ATP10B: variants seen among roughly 807,000 people sequenced by gnomAD.
The protein encoded by ATP10B is ATPase phospholipid transporting 10B (putative).
A neutral mutation model predicts 141.2 loss-of-function variants in ATP10B; 122 were observed. The observed-to-expected ratio is 0.86, with a 90% confidence interval of 0.75 to 1.00. The LOEUF (loss-of-function observed/expected upper bound fraction) is 1.00, where lower values mean the gene tolerates loss of function less well. Ranked by LOEUF, ATP10B falls within the 50% of genes least tolerant of loss-of-function variation. The probability of loss-of-function intolerance (pLI) is 0.00; values close to 1 mark genes in which losing one functional copy is unlikely to be tolerated. For missense variants in ATP10B, 1,876 were observed against 1,825.3 expected (o/e 1.03, Z -0.51); for synonymous variants, 685 against 692.0 (o/e 0.99, Z 0.16).
chr5:160,869,522 T>C, the ATP10B span, among the ~76,000 whole-genome samples: 1 of 152,166 alleles, frequency 6.6e-6, no homozygotes, highest in Non-Finnish European at 1.5e-5. Flanking sequence ...ACCCTTTAGA[T>C]TCCCCCTGCA....
chr5:160,705,234 A>T (rs1390884176), intron 3 of ATP10B, among the ~76,000 whole-genome samples: 1 of 151,830 alleles, frequency 6.6e-6, no homozygotes, highest in African/African-American at 2.4e-5. Context: ...TTTGTTTTCT[A>T]AGACAGGGAT....
chr5:160,764,030 A>C (rs1257128793), intron 2 of ATP10B, among the ~76,000 whole-genome samples: 1 of 152,190 alleles, frequency 6.6e-6, no homozygotes, highest in Non-Finnish European at 1.5e-5. Flanking sequence ...CTCTGAACAG[A>C]CCAATAACAA....
intron 2 of ATP10B, among the ~76,000 whole-genome samples, chr5:160,751,766 ATG>A (rs1472232906): frequency 6.6e-6 from 1 of 152,160 alleles, no homozygotes; most frequent in Non-Finnish European, 1.5e-5. Context: ...GAGAAAAGAA[ATG>A]TGTGTGTGCA....
chr5:160,594,253 A>G (rs1168818171), intron 22 of ATP10B, among the ~76,000 whole-genome samples: 1 of 152,224 alleles, frequency 6.6e-6, no homozygotes, highest in Non-Finnish European at 1.5e-5. Context: ...TAAAGAAAAG[A>G]ATTTTCAACT....
chr5:160,748,887 C>A lies in ATP10B; in HGVS notation c.-330-31853G>T, dbSNP rs530825910. On this transcript the variant is annotated intron_variant, in intron 2 of 25. Transcript: ENST00000327245. ...TATTAGGAATAAAATAATGTAGCTACTGCTTGAGTGCCTACTCTGGGCTAG... is the reference window on the plus strand; with the variant it reads ...TATTAGGAATAAAATAATGTAGCTAATGCTTGAGTGCCTACTCTGGGCTAG... Among the ~76,000 whole-genome samples the A allele has an allele frequency of 2.6e-5, 4 of 152,318 alleles. No individual in the cohort carries two copies. In the East Asian group the frequency reaches 7.7e-4, roughly 29 times the overall value.
chr5:160,916,112 T>G, the ATP10B span, among the ~76,000 whole-genome samples: 1 of 152,166 alleles, frequency 6.6e-6, no homozygotes, highest in African/African-American at 2.4e-5. Context: ...TTATGGTATA[T>G]CCCTAGTCTA....
intron 2 of ATP10B, among the ~76,000 whole-genome samples, chr5:160,740,124 T>G (rs1175857365): frequency 6.6e-6 from 1 of 152,252 alleles, no homozygotes; most frequent in Non-Finnish European, 1.5e-5. Context: ...AGTGGGAACA[T>G]ATATACAGGT....
At chr5:160,725,509 G>T (rs1447707058) in intron 2 of ATP10B, among the ~76,000 whole-genome samples, 1 of 151,554 alleles carries the variant, frequency 6.6e-6, no homozygotes, top group Admixed American at 6.6e-5. Flanking sequence ...GCAGTGGTGC[G>T]ATCTCGGCTC....
upstream of ATP10B, among the ~76,000 whole-genome samples, chr5:160,856,388 G>GT (rs1347936940): frequency 6.6e-6 from 1 of 151,792 alleles, no homozygotes; most frequent in Non-Finnish European, 1.5e-5. Context: ...TTGCTCATTA[G>GT]TTCTAGGAGT....
intron 2 of ATP10B, among the ~76,000 whole-genome samples, chr5:160,746,145 A>T (rs1352719975): frequency 6.6e-6 from 1 of 152,090 alleles, no homozygotes; most frequent in Non-Finnish European, 1.5e-5. Flanking sequence ...GGATTCCAGG[A>T]TTTTTGTCTC....
the ATP10B span, among the ~76,000 whole-genome samples, chr5:160,917,685 G>T: frequency 6.6e-6 from 1 of 152,132 alleles, no homozygotes; most frequent in Non-Finnish European, 1.5e-5. Context: ...ATTTCACTCT[G>T]CCAGGCCCCC....
At chr5:160,770,695 C>T (rs763901931) in intron 2 of ATP10B, among the ~76,000 whole-genome samples, 3 of 151,896 alleles carry the variant, frequency 2.0e-5, no homozygotes, top group African/African-American at 4.8e-5. Context: ...TATTTTAACA[C>T]GGTCTTAGAA....
the ATP10B span, among the ~76,000 whole-genome samples, chr5:160,923,443 G>A: frequency 2.0e-3 from 305 of 152,284 alleles, 1 homozygote; most frequent in African/African-American, 7.0e-3. Context: ...CACGAGGTTG[G>A]AGGTTAAGTG....
In ATP10B at chr5:160,613,040, C is replaced by G. The variant is rs1302132814; in HGVS notation, c.2654-115G>C. 2.9e-6 allele frequency: 3 copies of G among 1,018,468 alleles called. No individual in the cohort carries two copies. In the African/African-American group the frequency reaches 4.8e-5, roughly 16 times the overall value. The allele number at this position is 1,018,468 out of a possible 1,614,324, so 63.1% of individuals were successfully genotyped here. A position where few individuals can be genotyped will look rare whatever the true frequency, so the allele number is the denominator to read the frequency against. ...TATTGGATAGCATCACTGTGCTAGGCTGTGTACCCAGGATATAACAGTGAA... is the reference window on the plus strand; with the variant it reads ...TATTGGATAGCATCACTGTGCTAGGGTGTGTACCCAGGATATAACAGTGAA... On this transcript the variant is annotated intron_variant, in intron 17 of 25. Transcript: ENST00000327245.
intron 21 of ATP10B, among the ~76,000 whole-genome samples, chr5:160,602,256 C>T (rs1457700101): frequency 4.6e-5 from 7 of 152,290 alleles, no homozygotes; most frequent in East Asian, 1.9e-4. Flanking sequence ...GATTTGGGGA[C>T]ATTATCACAT....
intron 1 of ATP10B, among the ~76,000 whole-genome samples, chr5:160,823,099 T>C (rs1774307360): frequency 6.8e-6 from 1 of 146,468 alleles, no homozygotes; most frequent in Non-Finnish European, 1.5e-5. Flanking sequence ...GATACCCCCA[T>C]TTACCCTGAT....
chr5:160,766,772 C>A (rs2127848083), intron 2 of ATP10B, among the ~76,000 whole-genome samples: 1 of 152,284 alleles, frequency 6.6e-6, no homozygotes, highest in Admixed American at 6.5e-5. Flanking sequence ...AGGACATGAT[C>A]TTAGAATAAA....
At chr5:160,733,018 T>G (rs1026189143) in intron 2 of ATP10B, among the ~76,000 whole-genome samples, 3 of 152,172 alleles carry the variant, frequency 2.0e-5, no homozygotes, top group African/African-American at 7.2e-5. Flanking sequence ...TGATAGGTAT[T>G]GTATTAAATA....
At chr5:160,819,503 T>C (rs1041366597) in intron 1 of ATP10B, among the ~76,000 whole-genome samples, 17 of 152,106 alleles carry the variant, frequency 1.1e-4, no homozygotes, top group African/African-American at 3.9e-4. Flanking sequence ...ACTTACTGGT[T>C]ATGGTAAGTA....
Sources: allele counts gnomAD v4.1 joint callset (sites outside exome capture counted in the v4.1 genomes callset), GRCh38; gene constraint gnomAD v4.1.1; transcripts MANE v1.5; gene names NCBI Gene and HGNC (gene_info 2026-07-23, HGNC 2026-07-21).